GABRG3: variants seen among roughly 807,000 people sequenced by gnomAD.
GABRG3 encodes gamma-aminobutyric acid receptor subunit gamma-3.
GABRG3 carries 25 observed loss-of-function variants against 48.8 expected under a neutral mutation model. That is an observed-to-expected ratio of 0.51 (90% CI 0.37 to 0.72). GABRG3 has a LOEUF of 0.72. Among genes scored for constraint, GABRG3 ranks in the 30% least tolerant of loss-of-function variants. The pLI is 0.00. For synonymous variants in GABRG3, 227 were observed against 217.6 expected, an observed-to-expected ratio of 1.04 and a Z score of -0.38; for missense variants, 394 against 577.9, an observed-to-expected ratio of 0.68 and a Z score of 3.26.
chr15:27,382,662 T>C (rs557411427), intron 5 of GABRG3, among the ~76,000 whole-genome samples: 10 of 152,036 alleles, frequency 6.6e-5, no homozygotes, highest in Non-Finnish European at 1.3e-4. Context: ...AAGGAAGAGA[T>C]GATGGTGGTT....
At chr15:27,437,600 T>G (rs1246934697) in intron 5 of GABRG3, among the ~76,000 whole-genome samples, 2 of 152,194 alleles carry the variant, frequency 1.3e-5, no homozygotes, top group Non-Finnish European at 2.9e-5. Context: ...AGACATGCAT[T>G]GGAGAAAACT....
At chr15:27,458,659 A>G (rs547528133) in intron 5 of GABRG3, among the ~76,000 whole-genome samples, 1 of 152,192 alleles carries the variant, frequency 6.6e-6, no homozygotes, top group South Asian at 2.1e-4. Context: ...CTGTGAACTG[A>G]GCAGGGCTCA....
intron 3 of GABRG3, among the ~76,000 whole-genome samples, chr15:27,220,107 C>T (rs562364683): frequency 6.0e-4 from 91 of 152,288 alleles, no homozygotes; most frequent in African/African-American, 2.0e-3. Context: ...CTAACCTGAC[C>T]TTCTTGATGG....
chr15:27,419,192 C>A, intron 5 of GABRG3: 1 of 152,364 alleles, frequency 6.6e-6, no homozygotes, highest in Non-Finnish European at 1.5e-5. Context: ...AGGGCCCCTG[C>A]ACCTCCTGCA....
rs964729865 is a variant in GABRG3 at position 27,180,481 on chromosome 15, A to G, written c.271-146328A>G. On this transcript the variant is annotated intron_variant, in intron 3 of 9. Coordinates refer to ENST00000615808, the MANE Select transcript of GABRG3 (RefSeq NM_033223.5). The surrounding 1 kb of genome is among the most constrained non-coding windows in gnomAD (Gnocchi z 4.2). ...CCTACCCTATGCTTGCACTAGATTC[A>G]TCACGAAGCACCGACTGCTGCGCTT... Among the ~76,000 whole-genome samples the G allele has an allele frequency of 1.3e-5, 2 of 152,136 alleles. No individual in the cohort carries two copies. Among genetic ancestry groups the G allele is most frequent in the Admixed American group, 1.3e-4 (2 of 15,290 alleles).
At chr15:27,408,054 A>G (rs1887690235) in intron 5 of GABRG3, among the ~76,000 whole-genome samples, 1 of 152,150 alleles carries the variant, frequency 6.6e-6, no homozygotes, top group Admixed American at 6.5e-5. Flanking sequence ...TAGGGCCTCC[A>G]TGGGGTATCT....
At chr15:27,455,287 CG>C (rs1264686821) in intron 5 of GABRG3, among the ~76,000 whole-genome samples, 1 of 152,182 alleles carries the variant, frequency 6.6e-6, no homozygotes, top group Non-Finnish European at 1.5e-5. Context: ...TTACACCTTC[CG>C]CCCTTTAATC....
chr15:27,518,800 G>A (rs1891089902), intron 6 of GABRG3, among the ~76,000 whole-genome samples: 1 of 152,192 alleles, frequency 6.6e-6, no homozygotes, highest in Non-Finnish European at 1.5e-5. Context: ...TCACAGCTGT[G>A]CAAGGGCAGC....
intron 6 of GABRG3, among the ~76,000 whole-genome samples, chr15:27,496,210 G>C (rs549325732): frequency 2.0e-3 from 298 of 152,330 alleles, no homozygotes; most frequent in South Asian, 9.7e-3. Flanking sequence ...CCTCTCTTGA[G>C]CTTCTCTCAT....
At chr15:27,393,267 C>T (rs1389881092) in intron 5 of GABRG3, among the ~76,000 whole-genome samples, 1 of 151,420 alleles carries the variant, frequency 6.6e-6, no homozygotes, top group Non-Finnish European at 1.5e-5. Context: ...TGGCGTGAAC[C>T]CGGGAGGTGG....
chr15:27,408,609 G>C (rs1887706988), intron 5 of GABRG3, among the ~76,000 whole-genome samples: 1 of 152,124 alleles, frequency 6.6e-6, no homozygotes, highest in African/African-American at 2.4e-5. Flanking sequence ...TAGCTGTGAG[G>C]GCCGCGGGTC....
chr15:27,330,844 T>C (rs1406231929), intron 5 of GABRG3, among the ~76,000 whole-genome samples: 1 of 152,190 alleles, frequency 6.6e-6, no homozygotes, highest in East Asian at 1.9e-4. Context: ...TCCCTATTTC[T>C]GGTGTGTCGT....
Position 27,472,151 on chromosome 15 carries a change from T to C in GABRG3, c.575-8499T>C, listed in dbSNP as rs150414211. Among the ~76,000 whole-genome samples the C allele has an allele frequency of 7.8e-4, 119 of 152,294 alleles. 1 individual carries two copies. The highest frequency in any genetic ancestry group is 1.6e-3 in the Admixed American group (24 of 15,290). On this transcript the variant is annotated intron_variant, in intron 5 of 9. Transcript: ENST00000615808. ...GTAATAACTTACGAACTTCCTCTCA[T>C]AGGATTTGAATGTTTTTTTTTAAGT...
chr15:27,458,026 C>T (rs1889334981), intron 5 of GABRG3, among the ~76,000 whole-genome samples: 1 of 152,126 alleles, frequency 6.6e-6, no homozygotes. Context: ...GAACTATGCT[C>T]AGGCCCCCCG....
chr15:27,426,950 C>T (rs1888311211), intron 5 of GABRG3, among the ~76,000 whole-genome samples: 2 of 152,174 alleles, frequency 1.3e-5, no homozygotes, highest in Non-Finnish European at 1.5e-5. Context: ...GGAATCAGGC[C>T]TGTTACATTA....
chr15:27,299,039 T>G (rs1023052699), intron 3 of GABRG3, among the ~76,000 whole-genome samples: 1 of 152,140 alleles, frequency 6.6e-6, no homozygotes, highest in African/African-American at 2.4e-5. Context: ...ATCCCCGCAC[T>G]TTGAGAGGCC....
chr15:27,511,218 C>T (rs1890887780), intron 6 of GABRG3, among the ~76,000 whole-genome samples: 1 of 152,178 alleles, frequency 6.6e-6, no homozygotes, highest in Non-Finnish European at 1.5e-5. Flanking sequence ...ATCTACAATT[C>T]TTTTGTAAGG....
chr15:27,419,650 T>A (rs1293144630), intron 5 of GABRG3, among the ~76,000 whole-genome samples: 3 of 152,318 alleles, frequency 2.0e-5, no homozygotes, highest in African/African-American at 7.2e-5. Flanking sequence ...GGCAGCTTTG[T>A]CCACTTAAAC....
intron 2 of GABRG3, 102 bp downstream of exon 2, chr15:26,977,252 TGCA>T: frequency 8.1e-7 from 1 of 1,240,388 alleles, no homozygotes; most frequent in Non-Finnish European, 1.1e-6. Flanking sequence ...GCAAAGATAG[TGCA>T]GAAAGGTTTC....
Sources: gnomAD v4.1 joint callset for allele counts (sites outside exome capture counted in the v4.1 genomes callset) on GRCh38, gnomAD v4.1.1 for gene constraint, Gnocchi (gnomAD v3.1) non-coding constraint, MANE v1.5 for transcripts, NCBI Gene and HGNC (gene_info 2026-07-23, HGNC 2026-07-21) for gene names.